Variants in MINAR1 observed in about 807,000 individuals in gnomAD.
MINAR1 encodes the protein major intrinsically disordered Notch2-binding receptor 1.
Under a neutral mutation model 65.1 loss-of-function variants are expected in MINAR1, and 40 were observed. The ratio of observed to expected loss-of-function variants is 0.61; its 90% CI spans 0.48 to 0.80. The LOEUF is 0.80. Among genes scored for constraint, MINAR1 ranks in the 30% least tolerant of loss-of-function variants. The pLI is 0.00. For synonymous variants in MINAR1, 482 were observed against 449.1 expected (o/e 1.07, Z -0.93); for missense variants, 1,128 against 1,148.0 (o/e 0.98, Z 0.25).
chr15:79,459,726 G>C (rs1895578801), intron 2 of MINAR1, among the ~76,000 whole-genome samples: 1 of 152,144 alleles, frequency 6.6e-6, no homozygotes, highest in Admixed American at 6.5e-5. Flanking sequence ...AGAGGGGAGG[G>C]AGTATTTAAA....
At chr15:79,468,048 G>C (rs1895938223) in intron 3 of MINAR1, 139 bp from the exon 4 acceptor site, 5 of 653,618 alleles carry the variant, frequency 7.6e-6, no homozygotes, top group Non-Finnish European at 1.3e-5. Context: ...CATGGGGCTG[G>C]TGGGGCAGTG....
chr15:79,465,094 A>C (rs1895790100), intron 3 of MINAR1, among the ~76,000 whole-genome samples: 2 of 152,258 alleles, frequency 1.3e-5, no homozygotes, highest in African/African-American at 4.8e-5. Context: ...AAAATTAAAA[A>C]TAGATATTGG....
chr15:79,453,586 C>T (rs1895313135), intron 1 of MINAR1, among the ~76,000 whole-genome samples: 1 of 152,124 alleles, frequency 6.6e-6, no homozygotes, highest in Non-Finnish European at 1.5e-5. Flanking sequence ...TCTGCTCTTG[C>T]TCTTCTTCCT....
chr15:79,412,333 T>G, the MINAR1 span: 7 of 152,230 alleles, frequency 4.6e-5, no homozygotes, highest in African/African-American at 1.7e-4. Context: ...GAACTCAGCC[T>G]CCTCCTCCCC....
chr15:79,443,248 T>G (rs902429301), intron 1 of MINAR1, among the ~76,000 whole-genome samples: 2 of 152,226 alleles, frequency 1.3e-5, no homozygotes, highest in African/African-American at 4.8e-5. Context: ...TTGGCTTGTT[T>G]GAATATTTCT....
intron 2 of MINAR1, among the ~76,000 whole-genome samples, chr15:79,460,984 C>T (rs1307719590): frequency 6.6e-6 from 1 of 152,224 alleles, no homozygotes; most frequent in Non-Finnish European, 1.5e-5. Context: ...TGGTCCACCT[C>T]CCCTGTACTG....
In MINAR1 at chr15:79,458,161, G is replaced by T. The variant is rs550052834; in HGVS notation, c.2014G>T (p.Gly672Ter). 6.2e-7 allele frequency: 1 copy of T among 1,614,130 alleles called. No individual in the cohort carries two copies. Among genetic ancestry groups the T allele is most frequent in the South Asian group, 1.1e-5 (1 of 91,076 alleles). ...GTTCCACGCACACAGTGGCTCCCAC[G>T]GACCCAAACTAGAGAACAACCCTGA... ...RMFHAHSGSH[G>*]PKLENNPDWC... is the part of the protein sequence containing the mutation. The change falls in exon 2 of 4, where the codon GGA becomes TGA. Residue 672 changes from glycine (G) to a stop codon, truncating the protein, a stop_gained. Coordinates refer to ENST00000305428, the MANE Select transcript of MINAR1 (RefSeq NM_015206.3). LOFTEE classifies it high-confidence loss of function.
intron 1 of MINAR1, among the ~76,000 whole-genome samples, chr15:79,452,002 G>A (rs1030265699): frequency 1.2e-4 from 19 of 152,256 alleles, no homozygotes; most frequent in Non-Finnish European, 2.1e-4. Context: ...GAAAGAGTGT[G>A]GAGATTGTGA....
chr15:79,429,632 G>A (rs1894393469), upstream of MINAR1, among the ~76,000 whole-genome samples: 1 of 152,198 alleles, frequency 6.6e-6, no homozygotes, highest in African/African-American at 2.4e-5. Context: ...CTATTGCCCA[G>A]ACCAAAACAT....
At chr15:79,439,213 TGTGGG>T (rs1894776463) in intron 1 of MINAR1, among the ~76,000 whole-genome samples, 1 of 47,942 alleles carries the variant, frequency 2.1e-5, no homozygotes, top group African/African-American at 7.7e-5. Flanking sequence ...GTAGTGAGTG[TGTGGG>T]GTGTGGGTGT....
the MINAR1 span, chr15:79,420,948 A>T: frequency 6.6e-6 from 1 of 152,332 alleles, no homozygotes; most frequent in African/African-American, 2.4e-5. Context: ...TCACATGGTG[A>T]CGATACTCAG....
chr15:79,449,323 T>G (rs1225195293), intron 1 of MINAR1, among the ~76,000 whole-genome samples: 1 of 152,186 alleles, frequency 6.6e-6, no homozygotes, highest in Non-Finnish European at 1.5e-5. Flanking sequence ...GAGTTCAGAC[T>G]CCCAGCCCAG....
intron 1 of MINAR1, among the ~76,000 whole-genome samples, chr15:79,443,616 A>G (rs1034914406): frequency 6.6e-6 from 1 of 152,128 alleles, no homozygotes; most frequent in Non-Finnish European, 1.5e-5. Flanking sequence ...TCCATTCACA[A>G]CTTTTTCCAT....
the MINAR1 span, chr15:79,413,178 A>T: frequency 3.9e-5 from 6 of 152,358 alleles, no homozygotes; most frequent in South Asian, 1.2e-3. Context: ...CTTTCTCCAA[A>T]TGACCACACT....
intron 1 of MINAR1, among the ~76,000 whole-genome samples, chr15:79,449,591 G>T (rs1366779196): frequency 6.6e-6 from 1 of 152,186 alleles, no homozygotes; most frequent in Non-Finnish European, 1.5e-5. Context: ...TCATTAGGGA[G>T]GAGCCCTTAT....
intron 2 of MINAR1, among the ~76,000 whole-genome samples, chr15:79,462,177 A>C (rs770004690): frequency 3.3e-5 from 5 of 152,084 alleles, no homozygotes; most frequent in Non-Finnish European, 5.9e-5. Flanking sequence ...GGAGAAGGGG[A>C]TTAAAAGGTG....
intron 3 of MINAR1, chr15:79,463,702 GA>G (rs1280493857): frequency 2.1e-6 from 1 of 475,276 alleles, no homozygotes. Flanking sequence ...TAGCACGTGG[GA>G]TAAGCATATT....
intron 1 of MINAR1, among the ~76,000 whole-genome samples, chr15:79,451,489 A>T (rs1335390982): frequency 6.6e-6 from 1 of 152,032 alleles, no homozygotes; most frequent in Admixed American, 6.5e-5. Flanking sequence ...CAGGCCTCCA[A>T]GCAGACGGGT....
chr15:79,461,263 T>A (rs1895631936), intron 2 of MINAR1, among the ~76,000 whole-genome samples: 1 of 151,958 alleles, frequency 6.6e-6, no homozygotes. Flanking sequence ...ACCAGCTGTC[T>A]GACATTGGGT....
Sources: gnomAD v4.1 joint callset for allele counts (sites outside exome capture counted in the v4.1 genomes callset) on GRCh38, gnomAD v4.1.1 for gene constraint, MANE v1.5 for transcripts, NCBI Gene and HGNC (gene_info 2026-07-23, HGNC 2026-07-21) for gene names.